DAW1: variants seen among roughly 807,000 people sequenced by gnomAD.
The protein encoded by DAW1 is dynein assembly factor with WD repeat domains 1.
A neutral mutation model predicts 56.5 loss-of-function variants in DAW1; 47 were observed. The ratio of observed to expected loss-of-function variants is 0.83; its 90% CI spans 0.66 to 1.06. DAW1 has a LOEUF of 1.06. Among genes scored for constraint, DAW1 ranks in the 50% least tolerant of loss-of-function variants. The pLI is 0.00. For synonymous variants in DAW1, 190 were observed against 179.0 expected, an observed-to-expected ratio of 1.06 and a Z score of -0.49; for missense variants, 505 against 499.3, an observed-to-expected ratio of 1.01 and a Z score of -0.11.
At position 227,872,593 on chromosome 2, in the gene DAW1, C is replaced by G. The variant is rs535170040; in HGVS notation, c.40+864C>G. Among the ~76,000 whole-genome samples, 20 of 152,212 alleles carry G rather than the reference C, an allele frequency of 1.3e-4. No individual in the cohort carries two copies. The South Asian group carries it at 3.9e-3, about 30-fold the overall frequency. ...AATCCTGCTGCTTCCTCAAACTGTGCCCTGCCAGTAGAAGGCATCATCACC... is the reference window on the plus strand; with the variant it reads ...AATCCTGCTGCTTCCTCAAACTGTGGCCTGCCAGTAGAAGGCATCATCACC... On this transcript the variant is annotated intron_variant, in intron 1 of 12. Transcript: ENST00000309931.
intron 9 of DAW1, 66 bp downstream of exon 9, chr2:227,906,404 C>T (rs1305890068): frequency 1.0e-6 from 1 of 991,698 alleles, no homozygotes; most frequent in Non-Finnish European, 1.4e-6. Flanking sequence ...GTCAGATATC[C>T]ATTGTAACAT....
rs763561239 is a variant in DAW1, at chr2:227,921,374, GA to G, written c.1051-24del. 3 of 1,045,680 alleles carry G rather than the reference GA, an allele frequency of 2.9e-6. No individual in the cohort carries two copies. In the East Asian group the frequency reaches 1.8e-4, roughly 62 times the overall value. The allele number at this position is 1,045,680 out of a possible 1,614,324, so 64.8% of individuals were successfully genotyped here. Reference sequence around the variant, plus strand: ...TTTGGGAACCATTACACAAAGCTGTGATCATTTTTCTTTCTCTTTTGCAGAT... The same window carrying G: ...TTTGGGAACCATTACACAAAGCTGTGTCATTTTTCTTTCTCTTTTGCAGAT... On this transcript the variant is annotated intron_variant, in intron 11 of 12. Coordinates refer to ENST00000309931, the MANE Select transcript of DAW1 (RefSeq NM_178821.3).
At chr2:227,915,795 A>G (rs1691937072) in intron 10 of DAW1, among the ~76,000 whole-genome samples, 1 of 152,116 alleles carries the variant, frequency 6.6e-6, no homozygotes. Flanking sequence ...CATATCCTTA[A>G]TAGCCATATA....
In DAW1 at chr2:227,907,096, T is replaced by C. The variant is rs746329027; in HGVS notation, c.859-42T>C. On this transcript the variant is annotated intron_variant, in intron 9 of 12. Transcript: ENST00000309931. ...CCATCTTCACACTTCAGACAGAAAG[T>C]CATAGTCTTTTTTTTTTTGTTTTTT... 1.2e-5 allele frequency: 17 copies of C among 1,449,188 alleles called. No homozygotes were observed. The Admixed American group carries it at 3.0e-4, about 25-fold the overall frequency. 89.8% of individuals were successfully genotyped at this position (1,449,188 alleles called of 1,614,324 possible).
chr2:227,893,739 T>A (rs1691333136), intron 4 of DAW1, 56 bp from the exon 5 acceptor site: 1 of 1,561,798 alleles, frequency 6.4e-7, no homozygotes, highest in African/African-American at 1.4e-5. Flanking sequence ...AAACATGAAG[T>A]CTTTATTAAC....
intron 10 of DAW1, among the ~76,000 whole-genome samples, chr2:227,908,578 T>G (rs527790330): frequency 6.6e-6 from 1 of 152,342 alleles, no homozygotes; most frequent in East Asian, 1.9e-4. Flanking sequence ...TCATTGTGTC[T>G]GCACTATTTC....
intron 11 of DAW1, 64 bp from the exon 12 acceptor site, chr2:227,921,329 TTTTTGC>T: frequency 5.0e-6 from 3 of 602,348 alleles, no homozygotes; most frequent in East Asian, 5.2e-5. Context: ...TTTTTTTTTT[TTTTTGC>T]TGATAAGAAA....
intron 10 of DAW1, among the ~76,000 whole-genome samples, chr2:227,909,966 T>G (rs933158933): frequency 1.3e-5 from 2 of 152,022 alleles, no homozygotes; most frequent in Non-Finnish European, 2.9e-5. Flanking sequence ...AATGCCGCAC[T>G]GTGTGTGTAT....
At chr2:227,899,706 G>C (rs1033093662) in intron 6 of DAW1, among the ~76,000 whole-genome samples, 1 of 152,190 alleles carries the variant, frequency 6.6e-6, no homozygotes, top group South Asian at 2.1e-4. Flanking sequence ...GGTGGAGGGA[G>C]GAAAAGCAAG....
At chr2:227,889,055 T>C (rs75482862) in intron 2 of DAW1, among the ~76,000 whole-genome samples, 7,313 of 152,262 alleles carry the variant, frequency 0.048, 234 homozygotes, top group Middle Eastern at 0.095. Flanking sequence ...GATAAAAGCA[T>C]TACATTAGCA....
At chr2:227,896,160 T>A (rs561932452) in intron 5 of DAW1, among the ~76,000 whole-genome samples, 2 of 152,228 alleles carry the variant, frequency 1.3e-5, no homozygotes, top group Non-Finnish European at 2.9e-5. Context: ...CTTTGATCTA[T>A]GCATTTTTAT....
intron 2 of DAW1, among the ~76,000 whole-genome samples, chr2:227,888,698 A>G (rs948887878): frequency 6.6e-6 from 1 of 152,258 alleles, no homozygotes; most frequent in African/African-American, 2.4e-5. Context: ...GGGAATCTGC[A>G]TAGTGCATCT....
intron 5 of DAW1, among the ~76,000 whole-genome samples, chr2:227,897,632 C>T (rs1691443465): frequency 6.6e-6 from 1 of 152,148 alleles, no homozygotes; most frequent in African/African-American, 2.4e-5. Flanking sequence ...ATATGAGAAG[C>T]CTCTTAGTTG....
chr2:227,908,581 A>C (rs11685422), intron 10 of DAW1, among the ~76,000 whole-genome samples: 33,828 of 152,006 alleles, frequency 0.22, 3,838 homozygotes, highest in Non-Finnish European at 0.26. Context: ...TTGTGTCTGC[A>C]CTATTTCCCT....
intron 1 of DAW1, chr2:227,872,236 T>C (rs547081666): frequency 6.8e-6 from 1 of 146,046 alleles, no homozygotes; most frequent in South Asian, 2.1e-4. Context: ...AATTCTTGGG[T>C]TCTAATTCAG....
chr2:227,873,132 C>T (rs1690796278), intron 1 of DAW1, among the ~76,000 whole-genome samples: 1 of 151,938 alleles, frequency 6.6e-6, no homozygotes, highest in Non-Finnish European at 1.5e-5. Context: ...TTTTTTGGAC[C>T]CAGCTTTCCC....
intron 4 of DAW1, among the ~76,000 whole-genome samples, chr2:227,893,412 C>G (rs1559306226): frequency 6.6e-6 from 1 of 150,752 alleles, no homozygotes; most frequent in Non-Finnish European, 1.5e-5. Context: ...ACACCTGTAA[C>G]CCCAGCACTT....
At position 227,874,979 on chromosome 2, in the gene DAW1, CAAACAAACAGAA is replaced by C. The variant is rs1447670767; in HGVS notation, c.40+3258_40+3269del. On this transcript the variant is annotated intron_variant, in intron 1 of 12. Transcript: ENST00000309931. ...CTCTGTCTCAAAACAAACAAACAAA[CAAACAAACAGAA>C]AAACAAAAAACAAACCATCCCGCAT... Among the ~76,000 whole-genome samples the C allele has an allele frequency of 7.0e-5, 9 of 128,636 alleles. No homozygotes were observed. In the South Asian group the frequency reaches 2.1e-3, roughly 30 times the overall value. The allele number at this position is 128,636 out of a possible 152,430, so 84.4% of individuals were successfully genotyped here.
At chr2:227,891,040 A>G (rs1691254875) in intron 3 of DAW1, among the ~76,000 whole-genome samples, 1 of 152,246 alleles carries the variant, frequency 6.6e-6, no homozygotes, top group Non-Finnish European at 1.5e-5. Context: ...CCCAGTTTAT[A>G]CATGTATACA....
Sources: allele counts gnomAD v4.1 joint callset (sites outside exome capture counted in the v4.1 genomes callset), GRCh38; gene constraint gnomAD v4.1.1; transcripts MANE v1.5; gene names NCBI Gene and HGNC (gene_info 2026-07-23, HGNC 2026-07-21).